ELOB: variants seen among roughly 807,000 people sequenced by gnomAD.
The protein encoded by ELOB is elongin B.
A neutral mutation model predicts 12.9 loss-of-function variants in ELOB; 3 were observed. The ratio of observed to expected loss-of-function variants is 0.23; its 90% confidence interval spans 0.11 to 0.60. The LOEUF (loss-of-function observed/expected upper bound fraction) is 0.60. Ranked by LOEUF, ELOB falls within the 20% of genes least tolerant of loss-of-function variation. The pLI is 0.89. For synonymous variants in ELOB, 84 were observed against 67.4 expected (o/e 1.25, Z -1.21); for missense variants, 126 against 159.2 (o/e 0.79, Z 1.12).
intron 3 of ELOB, among the ~76,000 whole-genome samples, chr16:2,774,710 T>C (rs535662986): frequency 1.3e-3 from 205 of 152,356 alleles, no homozygotes; most frequent in Admixed American, 2.2e-3. Flanking sequence ...TCTCTTCAAG[T>C]TCCTAGAGAC....
chr16:2,771,466 C>G lies in ELOB; in HGVS notation c.*524G>C. On this transcript the variant is annotated 3_prime_UTR_variant, in exon 4 of 4. Coordinates refer to ENST00000409906, the MANE Select transcript of ELOB (RefSeq NM_007108.4). ...GTGTTAAGGGGGCAGCCACTTCCCT[C>G]CGTGATTACAGCCCCCAGCGTGGGT... 6.2e-7 allele frequency: 1 copy of G among 1,614,218 alleles called. No homozygotes were observed.
At chr16:2,773,372 C>G (rs1363576860) in intron 3 of ELOB, among the ~76,000 whole-genome samples, 1 of 152,158 alleles carries the variant, frequency 6.6e-6, no homozygotes, top group African/African-American at 2.4e-5. Flanking sequence ...TGCCGAGGTT[C>G]AGAAACTAAT....
At chr16:2,773,935 A>ACAGGCACCCCTGGGC (rs1306774052) in intron 3 of ELOB, among the ~76,000 whole-genome samples, 1 of 152,182 alleles carries the variant, frequency 6.6e-6, no homozygotes, top group African/African-American at 2.4e-5. Context: ...CTCTCTTCAG[A>ACAGGCACCCCTGGGC]CAGGCACCCC....
intron 3 of ELOB, among the ~76,000 whole-genome samples, chr16:2,773,278 A>G (rs2068779227): frequency 1.3e-5 from 2 of 151,986 alleles, no homozygotes; most frequent in Non-Finnish European, 2.9e-5. Flanking sequence ...AGCGCTATCT[A>G]GTGGGTAGAG....
At chr16:2,777,201 G>GCCGCC in intron 1 of ELOB, 36 bp downstream of exon 1, 11 of 828,122 alleles carry the variant, frequency 1.3e-5, no homozygotes, top group Non-Finnish European at 1.6e-5. Flanking sequence ...GCCGCCCCCG[G>GCCGCC]CCCGGCCCGG....
At position 2,771,450 on chromosome 16, in the gene ELOB, G is replaced by A; in HGVS notation, c.*540C>T. Reference sequence around the variant, plus strand: ...ACTGTTTATTAAAGGTGTGTTAAGGGGGCAGCCACTTCCCTCCGTGATTAC... The same window carrying A: ...ACTGTTTATTAAAGGTGTGTTAAGGAGGCAGCCACTTCCCTCCGTGATTAC... On this transcript the variant is annotated 3_prime_UTR_variant, in exon 4 of 4. Coordinates refer to ENST00000409906, the MANE Select transcript of ELOB (RefSeq NM_007108.4). The A allele has an allele frequency of 1.9e-6, 3 of 1,614,168 alleles. No homozygotes were observed. The highest frequency in any genetic ancestry group is 2.5e-6 in the Non-Finnish European group (3 of 1,180,020).
rs1046842808 is a variant in ELOB, at chr16:2,771,844, G to A, written c.*146C>T. ...CCAGGGTCTCAGGATCTGGGAGACA[G>A]GACAGCACAGGAACTGCCAAGCACA... On this transcript the variant is annotated 3_prime_UTR_variant, in exon 4 of 4. Coordinates refer to ENST00000409906, the MANE Select transcript of ELOB (RefSeq NM_007108.4). 2 of 1,457,372 alleles carry A rather than the reference G, an allele frequency of 1.4e-6. No individual in the cohort carries two copies. The highest frequency in any genetic ancestry group is 1.5e-5 in the South Asian group (1 of 68,852). The allele number at this position is 1,457,372 out of a possible 1,614,324, so 90.3% of individuals were successfully genotyped here.
intron 3 of ELOB, among the ~76,000 whole-genome samples, chr16:2,773,526 G>A (rs985063962): frequency 6.6e-6 from 1 of 152,240 alleles, no homozygotes; most frequent in South Asian, 2.1e-4. Flanking sequence ...GGGGAGAGGC[G>A]GAGGGTGGGG....
intron 2 of ELOB, among the ~76,000 whole-genome samples, chr16:2,775,831 C>T (rs1243230611): frequency 6.6e-6 from 1 of 152,252 alleles, no homozygotes; most frequent in Non-Finnish European, 1.5e-5. Flanking sequence ...TGGAGATAGG[C>T]AGACCTGGCT....
Position 2,776,330 on chromosome 16 carries a change from T to C in ELOB, c.138+663A>G, listed in dbSNP as rs77177311. ...TTTCCCAGTTTCCAGCTCTAGAATC[T>C]GAACAATGCACTTGGGCGACAACCT... On this transcript the variant is annotated intron_variant, in intron 2 of 3. Coordinates refer to ENST00000409906, the MANE Select transcript of ELOB (RefSeq NM_007108.4). 4.2e-3 allele frequency among the ~76,000 whole-genome samples: 633 copies of C among 152,326 alleles called. 5 individuals are homozygous for C. The highest frequency in any genetic ancestry group is 0.014 in the African/African-American group (597 of 41,568).
intron 3 of ELOB, among the ~76,000 whole-genome samples, chr16:2,773,906 T>A (rs562584324): frequency 6.6e-6 from 1 of 152,216 alleles, no homozygotes. Context: ...AGACCAGATA[T>A]GCTCTTGGCA....
rs951618394 is a variant in ELOB, at chr16:2,771,806, G to A, written c.*184C>T. On this transcript the variant is annotated 3_prime_UTR_variant, in exon 4 of 4. Coordinates refer to ENST00000409906, the MANE Select transcript of ELOB (RefSeq NM_007108.4). ...ATGGTGCCTTTAAGCAGCAGGCTGG[G>A]CCAAGTTCTCAGCCAGGGTCTCAGG... 63 of 1,452,168 alleles carry A rather than the reference G, an allele frequency of 4.3e-5. No homozygotes were observed. Among genetic ancestry groups the A allele is most frequent in the Non-Finnish European group, 5.4e-5 (60 of 1,106,846 alleles). 90.0% of individuals were successfully genotyped at this position (1,452,168 alleles called of 1,614,324 possible).
intron 3 of ELOB, among the ~76,000 whole-genome samples, chr16:2,774,429 C>A (rs745672833): frequency 3.3e-5 from 5 of 152,318 alleles, no homozygotes; most frequent in Non-Finnish European, 7.3e-5. Flanking sequence ...TGAAGCCAGT[C>A]TCATCACACC....
chr16:2,776,728 C>T (rs1011582328), intron 2 of ELOB, among the ~76,000 whole-genome samples: 3 of 152,248 alleles, frequency 2.0e-5, no homozygotes, highest in Non-Finnish European at 4.4e-5. Context: ...AACTGCACGG[C>T]GCGGGCGATA....
chr16:2,772,692 C>G (rs922708073), intron 3 of ELOB, among the ~76,000 whole-genome samples: 14 of 151,082 alleles, frequency 9.3e-5, no homozygotes, highest in African/African-American at 3.4e-4. Flanking sequence ...CTGGGCGACA[C>G]AGACTCCATC....
intron 2 of ELOB, among the ~76,000 whole-genome samples, chr16:2,776,784 C>G (rs2068803552): frequency 6.6e-6 from 1 of 152,188 alleles, no homozygotes; most frequent in Admixed American, 6.5e-5. Flanking sequence ...GCCCGGGGCC[C>G]GGCACGAGGT....
intron 3 of ELOB, chr16:2,772,531 AAAAATAC>A (rs1181555699): frequency 7.0e-6 from 1 of 142,914 alleles, no homozygotes; most frequent in Non-Finnish European, 1.5e-5. Context: ...CATCTCTACT[AAAAATAC>A]AAAAAAAAAA....
rs2068746643 is a variant in ELOB, at chr16:2,771,489, G to C, written c.*501C>G. On this transcript the variant is annotated 3_prime_UTR_variant, in exon 4 of 4. Coordinates refer to ENST00000409906, the MANE Select transcript of ELOB (RefSeq NM_007108.4). ...CTCCGTGATTACAGCCCCCAGCGTG[G>C]GTGGACCTGTGTGGGTCCGTCTTGG... The C allele has an allele frequency of 6.2e-7, 1 of 1,614,110 alleles. No homozygotes were observed. Among genetic ancestry groups the C allele is most frequent in the East Asian group, 2.2e-5 (1 of 44,900 alleles).
At chr16:2,772,296 T>TTC in intron 3 of ELOB, 194 bp from the exon 4 acceptor site, 1 of 563,084 alleles carries the variant, frequency 1.8e-6, no homozygotes, top group Non-Finnish European at 2.8e-6. Context: ...CTCCTACCCC[T>TTC]GTGGGCCCAA....
Sources: gnomAD v4.1 joint callset for allele counts (sites outside exome capture counted in the v4.1 genomes callset) on GRCh38, gnomAD v4.1.1 for gene constraint, MANE v1.5 for transcripts, NCBI Gene and HGNC (gene_info 2026-07-23, HGNC 2026-07-21) for gene names.